The following ENTPD1 variants were observed in gnomAD, a reference collection of about 807,000 sequenced individuals.
The protein encoded by ENTPD1 is ectonucleoside triphosphate diphosphohydrolase 1, also known as ATP diphosphohydrolase.
Under a neutral mutation model 57.0 loss-of-function variants are expected in ENTPD1, and 33 were observed. That is an observed-to-expected ratio of 0.58 (90% CI 0.44 to 0.77). The LOEUF is 0.77. Ranked by LOEUF, ENTPD1 falls within the 30% of genes least tolerant of loss-of-function variation. The pLI is 0.00. For synonymous variants in ENTPD1, 202 were observed against 218.8 expected (o/e 0.92, Z 0.68); for missense variants, 501 against 603.4 (o/e 0.83, Z 1.78).
intron 1 of ENTPD1, among the ~76,000 whole-genome samples, chr10:95,724,380 G>T (rs190862205): frequency 1.3e-5 from 2 of 152,090 alleles, no homozygotes; most frequent in African/African-American, 4.8e-5. Flanking sequence ...GGGGCGGGGT[G>T]GTCCTTGTTC....
rs555140693 is a variant in ENTPD1 at position 95,844,353 on chromosome 10, T to G, written c.414-123T>G. 49 of 1,358,278 alleles carry G rather than the reference T, an allele frequency of 3.6e-5. No homozygotes were observed. The African/African-American group carries it at 4.3e-4, about 12-fold the overall frequency. The allele number at this position is 1,358,278 out of a possible 1,614,324, so 84.1% of individuals were successfully genotyped here. A position where few individuals can be genotyped will look rare whatever the true frequency, so the allele number is the denominator to read the frequency against. On this transcript the variant is annotated intron_variant, in intron 4 of 9. Coordinates refer to ENST00000371205, the MANE Select transcript of ENTPD1 (RefSeq NM_001776.6). ...GCTATGTGCGAAGATCCCCATCTCT[T>G]CATTTATTCCAGGGCATTATGGTTC...
At chr10:95,703,893 C>A in the ENTPD1 span, among the ~76,000 whole-genome samples, 2 of 151,474 alleles carry the variant, frequency 1.3e-5, no homozygotes, top group Non-Finnish European at 2.9e-5. Flanking sequence ...GAGTTCATGA[C>A]CAGCCTGGAC....
Position 95,835,597 on chromosome 10 carries a change from A to AC in ENTPD1, c.145-4094_145-4093insC, listed in dbSNP as rs556595130. ...CTCTTGTATGCACAATCTTGCCAGCATCTGTTATTTTCTGACTTCTTAATA... is the reference window on the plus strand; with the variant it reads ...CTCTTGTATGCACAATCTTGCCAGCACTCTGTTATTTTCTGACTTCTTAATA... On this transcript the variant is annotated intron_variant, in intron 2 of 9. Coordinates refer to ENST00000371205, the MANE Select transcript of ENTPD1 (RefSeq NM_001776.6). Among the ~76,000 whole-genome samples the AC allele has an allele frequency of 2.6e-4, 39 of 152,334 alleles. No individual in the cohort carries two copies. In the East Asian group the frequency reaches 7.5e-3, roughly 29 times the overall value.
At chr10:95,726,793 T>A (rs1183381072) in intron 1 of ENTPD1, among the ~76,000 whole-genome samples, 3 of 152,192 alleles carry the variant, frequency 2.0e-5, no homozygotes, top group African/African-American at 7.2e-5. Context: ...CTCAGTTTCT[T>A]GAATTTTTAG....
At chr10:95,701,040 C>T in the ENTPD1 span, among the ~76,000 whole-genome samples, 28 of 152,228 alleles carry the variant, frequency 1.8e-4, no homozygotes, top group East Asian at 2.1e-3. Flanking sequence ...GTGATCTGCC[C>T]GCCTCAGCCT....
Position 95,872,927 on chromosome 10 carries a change from C to T in ENTPD1, c.*6544C>T, listed in dbSNP as rs1590236541. 1.0e-6 allele frequency: 1 copy of T among 985,326 alleles called. No individual in the cohort carries two copies. Among genetic ancestry groups the T allele is most frequent in the East Asian group, 1.1e-4 (1 of 8,822 alleles). The allele number at this position is 985,326 out of a possible 1,614,324, so 61.0% of individuals were successfully genotyped here. On this transcript the variant is annotated 3_prime_UTR_variant, in exon 10 of 10. Coordinates refer to ENST00000371205, the MANE Select transcript of ENTPD1 (RefSeq NM_001776.6). ...ATGCCTTTAGTTTCTGTGTAGTTTG[C>T]CATGCAGCACTTCATTGTACACATT...
Position 95,867,247 on chromosome 10 carries a change from T to G in ENTPD1, c.*864T>G. The G allele has an allele frequency of 1.0e-6, 1 of 975,646 alleles. No homozygotes were observed. Among genetic ancestry groups the G allele is most frequent in the Non-Finnish European group, 1.2e-6 (1 of 821,000 alleles). The allele number at this position is 975,646 out of a possible 1,614,324, so 60.4% of individuals were successfully genotyped here. ...TAAATATAATTCACCATTTTAACAT[T>G]TAATTCATATTAAATACGTACAAAT... is the stretch of plus-strand genomic sequence containing the variant. On this transcript the variant is annotated 3_prime_UTR_variant, in exon 10 of 10. Transcript: ENST00000371205.
chr10:95,866,476 G>T lies in ENTPD1; in HGVS notation c.*93G>T. 6.4e-7 allele frequency: 1 copy of T among 1,567,062 alleles called. No individual in the cohort carries two copies. Among genetic ancestry groups the T allele is most frequent in the Non-Finnish European group, 8.6e-7 (1 of 1,156,510 alleles). ...GCAGTGTTCAAGGCCATCCTTCCCTGTCTGCCAGGGCCAGTCTTGACGAGT... is the reference window on the plus strand; with the variant it reads ...GCAGTGTTCAAGGCCATCCTTCCCTTTCTGCCAGGGCCAGTCTTGACGAGT... On this transcript the variant is annotated 3_prime_UTR_variant, in exon 10 of 10. Transcript: ENST00000371205.
chr10:95,783,232 G>A (rs2098164934), intron 1 of ENTPD1, among the ~76,000 whole-genome samples: 2 of 152,144 alleles, frequency 1.3e-5, no homozygotes, highest in Non-Finnish European at 2.9e-5. Context: ...CTAATTCACA[G>A]TGATTTGTAT....
chr10:95,860,522 A>G lies in ENTPD1; in HGVS notation c.1128A>G (p.Lys376=), dbSNP rs2098463584. 6.2e-6 allele frequency: 10 copies of G among 1,614,008 alleles called. No homozygotes were observed. Among genetic ancestry groups the G allele is most frequent in the East Asian group, 2.2e-5 (1 of 44,886 alleles). ...AGTTTTTAAACTTGACATCAGAGAAAGTCTCTCAGGAAAAGGTGACTGAGA... is the reference window on the plus strand; with the variant it reads ...AGTTTTTAAACTTGACATCAGAGAAGGTCTCTCAGGAAAAGGTGACTGAGA... ...VMKFLNLTSE[K]VSQEKVTEMM... The change falls in exon 8 of 10, where the codon AAA becomes AAG. Residue 376 remains lysine, a synonymous_variant. Transcript: ENST00000371205.
Position 95,804,324 on chromosome 10 carries a change from G to A in ENTPD1, c.17-18913G>A, listed in dbSNP as rs530134898. Among the ~76,000 whole-genome samples, 4 of 152,308 alleles carry A rather than the reference G, an allele frequency of 2.6e-5. No homozygotes were observed. The South Asian group carries it at 8.3e-4, about 32-fold the overall frequency. On this transcript the variant is annotated intron_variant, in intron 1 of 9. Transcript: ENST00000371205. ...TTGATTCTTCCTATCCATGAGCATG[G>A]AATGCTCTTCCATTTGTTTGTGTCC...
rs2098479618 is a variant in ENTPD1 at position 95,870,864 on chromosome 10, G to GTAAA, written c.*4482_*4485dup. Reference sequence around the variant, plus strand: ...CCTCAAAGTTTCATGAATTGCTGCAGTAAACATTGATTTTCATGTTTGTGA... The same window carrying GTAAA: ...CCTCAAAGTTTCATGAATTGCTGCAGTAAATAAACATTGATTTTCATGTTTGTGA... On this transcript the variant is annotated 3_prime_UTR_variant, in exon 10 of 10. Coordinates refer to ENST00000371205, the MANE Select transcript of ENTPD1 (RefSeq NM_001776.6). 1 of 985,318 alleles carries GTAAA rather than the reference G, an allele frequency of 1.0e-6. No homozygotes were observed. The highest frequency in any genetic ancestry group is 6.1e-5 in the Admixed American group (1 of 16,266). 61.0% of individuals were successfully genotyped at this position (985,318 alleles called of 1,614,324 possible). A position where few individuals can be genotyped will look rare whatever the true frequency, so the allele number is the denominator to read the frequency against.
chr10:95,713,139 C>T (rs1375383748), intron 1 of ENTPD1, among the ~76,000 whole-genome samples: 1 of 151,768 alleles, frequency 6.6e-6, no homozygotes, highest in East Asian at 1.9e-4. Flanking sequence ...CCTCCATATG[C>T]TCTCAAGGAA....
chr10:95,828,677 G>A (rs770968619), intron 2 of ENTPD1, among the ~76,000 whole-genome samples: 24 of 150,722 alleles, frequency 1.6e-4, no homozygotes, highest in East Asian at 3.9e-4. Flanking sequence ...TTTTCTTCCC[G>A]TGAATACTGT....
intron 1 of ENTPD1, among the ~76,000 whole-genome samples, chr10:95,724,647 A>G (rs1368086769): frequency 9.9e-5 from 15 of 152,194 alleles, no homozygotes; most frequent in Admixed American, 5.2e-4. Flanking sequence ...GGGAGTGGCA[A>G]TGGGCACCTC....
intron 1 of ENTPD1, among the ~76,000 whole-genome samples, chr10:95,808,099 C>T (rs1032918861): frequency 1.3e-5 from 2 of 152,100 alleles, no homozygotes; most frequent in Non-Finnish European, 2.9e-5. Context: ...TCCCTCAATA[C>T]CTAATTTACA....
intron 8 of ENTPD1, among the ~76,000 whole-genome samples, chr10:95,863,135 A>C (rs1434339154): frequency 6.6e-6 from 1 of 152,196 alleles, no homozygotes; most frequent in Non-Finnish European, 1.5e-5. Flanking sequence ...ATTTTTGGCT[A>C]CTATCATAAC....
chr10:95,720,246 A>G (rs568263997), intron 1 of ENTPD1, among the ~76,000 whole-genome samples: 2 of 152,216 alleles, frequency 1.3e-5, no homozygotes, highest in African/African-American at 2.4e-5. Context: ...TTGCTCGTCC[A>G]TATTGTCCGT....
At chr10:95,834,320 T>A (rs1041221980) in intron 2 of ENTPD1, among the ~76,000 whole-genome samples, 4 of 152,208 alleles carry the variant, frequency 2.6e-5, no homozygotes, top group African/African-American at 7.2e-5. Flanking sequence ...ATCAAATAGC[T>A]GCATAAATAT....
Sources: gnomAD v4.1 joint callset for allele counts (sites outside exome capture counted in the v4.1 genomes callset) on GRCh38, gnomAD v4.1.1 for gene constraint, MANE v1.5 for transcripts, NCBI Gene and HGNC (gene_info 2026-07-23, HGNC 2026-07-21) for gene names.